HRNR: variants seen among roughly 807,000 people sequenced by gnomAD.
HRNR encodes the protein filaggrin family member 3.
Under a neutral mutation model 4.8 loss-of-function variants are expected in HRNR, and 7 were observed. The observed-to-expected ratio is 1.47, with a 90% confidence interval of 0.83 to 2.75. The LOEUF (loss-of-function observed/expected upper bound fraction) is 2.75. Ranked by LOEUF, HRNR falls within the 30% of genes most tolerant of loss-of-function variation. HRNR has a pLI of 0.00. For missense variants in HRNR, 2,879 were observed against 3,010.4 expected (o/e 0.96, Z 1.02); for synonymous variants, 1,023 against 1,242.7 (o/e 0.82, Z 3.72).
At position 152,221,177 on chromosome 1, in the gene HRNR, C is replaced by G; in HGVS notation, c.452G>C (p.Gly151Ala). 1 of 1,614,132 alleles carries G rather than the reference C, an allele frequency of 6.2e-7. No homozygotes were observed. The highest frequency in any genetic ancestry group is 8.5e-7 in the Non-Finnish European group (1 of 1,180,018). ...CAGTCTTCTGGATATGGATTCAGTC[C>G]CAGGTTTAAGACTTCCTCTGACGTT... Reference protein sequence around the residue: ...SRNVRGSLKPGTESISRRLSF... With the variant: ...SRNVRGSLKPATESISRRLSF... Residue 151 changes from glycine (G) to alanine (A), a missense_variant, in exon 3 of 3, where the codon GGG becomes GCG. Physicochemically the swap from Gly to Ala is moderately conservative, Grantham distance 60. Transcript: ENST00000368801.
chr1:152,218,688 A>C lies in HRNR; in HGVS notation c.2941T>G (p.Ser981Ala), dbSNP rs1381371921. ...EQHGSSSGSS[S>A]SYGQHGSGSR... ...CCAGACCCATGCTGACCATAGCTGG[A>C]AGACGAACCTGAGCTAGATCCATGT... The change falls in exon 3 of 3, where the codon TCC (serine) becomes GCC (alanine). Residue 981 changes from serine to alanine, a missense_variant. Transcript: ENST00000368801. The C allele has an allele frequency of 6.2e-7, 1 of 1,613,254 alleles. No homozygotes were observed. The highest frequency in any genetic ancestry group is 8.5e-7 in the Non-Finnish European group (1 of 1,179,962).
In HRNR at chr1:152,219,417, T is replaced by C; in HGVS notation, c.2212A>G (p.Arg738Gly). ...GAGCTAGATCCGTGTTGTTCACTCC[T>C]AGATGACTGTCCTGACCTAGAGCCG... ...KHGSRSGQSS[R>G]SEQHGSSSGL... The change falls in exon 3 of 3, where the codon AGG (arginine) becomes GGG (glycine). Residue 738 changes from arginine to glycine, a missense_variant. This residue lies in a region of HRNR where 2,646 missense variants were observed against 1,377.7 expected (regional missense o/e 1.92). Coordinates refer to ENST00000368801, the MANE Select transcript of HRNR (RefSeq NM_001009931.3). 1.9e-6 allele frequency: 3 copies of C among 1,614,040 alleles called. No individual in the cohort carries two copies. The highest frequency in any genetic ancestry group is 2.5e-6 in the Non-Finnish European group (3 of 1,180,012).
rs2101594480 is a variant in HRNR at position 152,219,558 on chromosome 1, G to T, written c.2071C>A (p.His691Asn). The T allele has an allele frequency of 6.2e-7, 1 of 1,613,278 alleles. No homozygotes were observed. The highest frequency in any genetic ancestry group is 8.5e-7 in the Non-Finnish European group (1 of 1,179,854). ...GSGWSSSNGP[H>N]GSVSGQSSGF... The stretch of plus-strand genomic sequence containing the variant: ...GAAGACTGGCCTGAGACAGACCCAT[G>T]TGGGCCATTGCTTGAAGACCAACCG... Residue 691 changes from histidine (H) to asparagine (N), a missense_variant, in exon 3 of 3, where the codon CAT becomes AAT. Physicochemically the swap from His to Asn is moderately conservative, Grantham distance 68. This residue lies in a region of HRNR where 2,646 missense variants were observed against 1,377.7 expected (regional missense o/e 1.92). Transcript: ENST00000368801.
chr1:152,213,009 T>A lies in HRNR; in HGVS notation c.*67A>T. On this transcript the variant is annotated 3_prime_UTR_variant, in exon 3 of 3. Transcript: ENST00000368801. ...ATGATGGATTGCTTGTCTTTCATGA[T>A]GAATTCATAGATGACTTTCCTATTT... is the stretch of plus-strand genomic sequence containing the variant. 3.9e-6 allele frequency: 6 copies of A among 1,542,812 alleles called. No homozygotes were observed. In the South Asian group the frequency reaches 7.7e-5, roughly 20 times the overall value.
chr1:152,218,125 A>G lies in HRNR; in HGVS notation c.3504T>C (p.Gly1168=). 1 of 746,930 alleles carries G rather than the reference A, an allele frequency of 1.3e-6. No homozygotes were observed. Among genetic ancestry groups the G allele is most frequent in the Non-Finnish European group, 2.1e-6 (1 of 473,096 alleles). 46.3% of individuals were successfully genotyped at this position (746,930 alleles called of 1,614,324 possible). A position where few individuals can be genotyped will look rare whatever the true frequency, so the allele number is the denominator to read the frequency against. Reference sequence around the variant, plus strand: ...ACTGCCCTGAGCTAGACTCGTGGTGACCAAAGCCAGAAGACTCGCCTAAGC... The same window carrying G: ...ACTGCCCTGAGCTAGACTCGTGGTGGCCAAAGCCAGAAGACTCGCCTAAGC... ...GSGLGESSGF[G]HHESSSGQSS... The change falls in exon 3 of 3, where the codon GGT becomes GGC. Residue 1168 remains glycine, a synonymous_variant. Transcript: ENST00000368801.
rs148335067 is a variant in HRNR at position 152,218,888 on chromosome 1, C to T, written c.2741G>A (p.Gly914Asp). 1.9e-6 allele frequency: 3 copies of T among 1,613,518 alleles called. No individual in the cohort carries two copies. The highest frequency in any genetic ancestry group is 4.5e-5 in the East Asian group (2 of 44,848). Reference sequence around the variant, plus strand: ...ATGTCGGCCACTGCTGGAAGACCGACCGGAGCCAGACCCATGTCGGCCATA... The same window carrying T: ...ATGTCGGCCACTGCTGGAAGACCGATCGGAGCCAGACCCATGTCGGCCATA... ...PSYGRHGSGS[G>D]RSSSSGRHGS... Residue 914 changes from glycine to aspartate, a missense_variant, in exon 3 of 3, where the codon GGT (glycine) becomes GAT (aspartate). By Grantham distance (94) the Gly-to-Asp change is moderately conservative. Coordinates refer to ENST00000368801, the MANE Select transcript of HRNR (RefSeq NM_001009931.3).
In HRNR at chr1:152,219,820, G is replaced by C. The variant is rs757886660; in HGVS notation, c.1809C>G (p.Ser603Arg). The C allele has an allele frequency of 6.2e-7, 1 of 1,612,238 alleles. No individual in the cohort carries two copies. The change falls in exon 3 of 3, where the codon AGC (serine) becomes AGG (arginine). Residue 603 changes from serine to arginine, a missense_variant. Physicochemically the swap from Ser to Arg is moderately radical, Grantham distance 110 (BLOSUM62 -1). Around this residue, in one of 8 missense-constraint regions of HRNR, gnomAD observed 2,646 missense variants for 1,377.7 expected, o/e 1.92. Transcript: ENST00000368801. ...QSSGYGQHGSSSGHSSTHGQH... is the reference protein window; with the variant it reads ...QSSGYGQHGSRSGHSSTHGQH... ...GCCCATGGGTAGAGGAATGACCCGAGCTAGATCCGTGTTGACCGTAGCCAG... is the reference window on the plus strand; with the variant it reads ...GCCCATGGGTAGAGGAATGACCCGACCTAGATCCGTGTTGACCGTAGCCAG...
At position 152,218,584 on chromosome 1, in the gene HRNR, C is replaced by T. The variant is rs754634636; in HGVS notation, c.3045G>A (p.Gly1015=). The change falls in exon 3 of 3, where the codon GGG becomes GGA. Residue 1015 remains glycine, a synonymous_variant. Coordinates refer to ENST00000368801, the MANE Select transcript of HRNR (RefSeq NM_001009931.3). ...AGCTGGAAGACTGCCCGGAACCAGA[C>T]CCATGTCGGCCACGGCTAGGGCTAG... ...QSPSPSRGRH[G]SGSGQSSSYG... is the part of the protein sequence containing the mutation. 6.2e-7 allele frequency: 1 copy of T among 1,613,790 alleles called. No homozygotes were observed. Among genetic ancestry groups the T allele is most frequent in the Non-Finnish European group, 8.5e-7 (1 of 1,179,930 alleles).
At position 152,219,823 on chromosome 1, in the gene HRNR, A is replaced by G. The variant is rs774675136; in HGVS notation, c.1806T>C (p.Ser602=). 5 of 1,612,072 alleles carry G rather than the reference A, an allele frequency of 3.1e-6. No homozygotes were observed. Among genetic ancestry groups the G allele is most frequent in the Non-Finnish European group, 4.2e-6 (5 of 1,178,722 alleles). ...GQSSGYGQHG[S]SSGHSSTHGQ... is the part of the protein sequence containing the mutation. ...CATGGGTAGAGGAATGACCCGAGCTAGATCCGTGTTGACCGTAGCCAGAGG... is the reference window on the plus strand; with the variant it reads ...CATGGGTAGAGGAATGACCCGAGCTGGATCCGTGTTGACCGTAGCCAGAGG... The change falls in exon 3 of 3, where the codon TCT becomes TCC. Residue 602 remains serine (S), a synonymous_variant. Coordinates refer to ENST00000368801, the MANE Select transcript of HRNR (RefSeq NM_001009931.3).
chr1:152,219,012 C>G lies in HRNR; in HGVS notation c.2617G>C (p.Ala873Pro), dbSNP rs754537348. The part of the protein sequence containing the change: ...QSSSYGQHES[A>P]SHHASGRGRH... The stretch of plus-strand genomic sequence containing the variant: ...CCGCGGCCCGAAGCGTGATGGGAGG[C>G]AGACTCATGCTGACCATAGCTGGAA... Residue 873 changes from alanine (A) to proline (P), a missense_variant, in exon 3 of 3, where the codon GCC (alanine) becomes CCC (proline). Coordinates refer to ENST00000368801, the MANE Select transcript of HRNR (RefSeq NM_001009931.3). 21 of 1,613,840 alleles carry G rather than the reference C, an allele frequency of 1.3e-5. No individual in the cohort carries two copies. The highest frequency in any genetic ancestry group is 6.7e-5 in the Admixed American group (4 of 59,992).
chr1:152,223,334 C>T lies in HRNR; in HGVS notation c.-25-56G>A, dbSNP rs914737925. Reference sequence around the variant, plus strand: ...TTACTATTCTTATTTCTTGTTTAAACACATAAATAGTTCTAATTATTTATA... The same window carrying T: ...TTACTATTCTTATTTCTTGTTTAAATACATAAATAGTTCTAATTATTTATA... On this transcript the variant is annotated intron_variant, in intron 1 of 2. Coordinates refer to ENST00000368801, the MANE Select transcript of HRNR (RefSeq NM_001009931.3). 9 of 1,033,626 alleles carry T rather than the reference C, an allele frequency of 8.7e-6. No homozygotes were observed. In the African/African-American group the frequency reaches 1.1e-4, roughly 13 times the overall value. 64.0% of individuals were successfully genotyped at this position (1,033,626 alleles called of 1,614,324 possible). A position where few individuals can be genotyped will look rare whatever the true frequency, so the allele number is the denominator to read the frequency against.
At position 152,218,814 on chromosome 1, in the gene HRNR, C is replaced by A. The variant is rs200852837; in HGVS notation, c.2815G>T (p.Gly939Trp). Residue 939 changes from glycine to tryptophan, a missense_variant, in exon 3 of 3, where the codon GGG becomes TGG. Physicochemically the swap from Gly to Trp is radical, Grantham distance 184. Around this residue, in one of 8 missense-constraint regions of HRNR, gnomAD observed 2,646 missense variants for 1,377.7 expected, o/e 1.92. Transcript: ENST00000368801. ...TGCTGAGTGTAACCAGAGGACTGCC[C>A]TGAGCTAGACTTGTGACCAAAGCCA... ...SSGFGHKSSSGQSSGYTQHGS... is the reference protein window; with the variant it reads ...SSGFGHKSSSWQSSGYTQHGS... 6 of 1,613,200 alleles carry A rather than the reference C, an allele frequency of 3.7e-6. No homozygotes were observed. The highest frequency in any genetic ancestry group is 5.1e-6 in the Non-Finnish European group (6 of 1,179,856).
chr1:152,215,174 C>A lies in HRNR; in HGVS notation c.6455G>T (p.Ser2152Ile), dbSNP rs1343814283. Residue 2152 changes from serine to isoleucine, a missense_variant, in exon 3 of 3, where the codon AGC (serine) becomes ATC (isoleucine). This residue lies in a region of HRNR where 3 missense variants were observed against 660.0 expected (regional missense o/e 0.00). Coordinates refer to ENST00000368801, the MANE Select transcript of HRNR (RefSeq NM_001009931.3). ...QSSRGERHGSSSGSSSRYGQH... is the reference protein window; with the variant it reads ...QSSRGERHGSISGSSSRYGQH... ...ACCATAGCGGGAAGACGAACCTGAG[C>A]TAGATCCGTGTCGTTCACCCCTAGA... 6.2e-7 allele frequency: 1 copy of A among 1,613,414 alleles called. No homozygotes were observed. The highest frequency in any genetic ancestry group is 1.3e-5 in the African/African-American group (1 of 74,218).
rs1244788207 is a variant in HRNR, at chr1:152,219,800, T to C, written c.1829A>G (p.His610Arg). 1.9e-6 allele frequency: 3 copies of C among 1,611,976 alleles called. No homozygotes were observed. Among genetic ancestry groups the C allele is most frequent in the Admixed American group, 1.7e-5 (1 of 59,904 alleles). Reference sequence around the variant, plus strand: ...TCCTGATGTAGAACCATGTTGCCCATGGGTAGAGGAATGACCCGAGCTAGA... The same window carrying C: ...TCCTGATGTAGAACCATGTTGCCCACGGGTAGAGGAATGACCCGAGCTAGA... ...HGSSSGHSSTHGQHGSTSGQS... is the reference protein window; with the variant it reads ...HGSSSGHSSTRGQHGSTSGQS... Residue 610 changes from histidine (H) to arginine (R), a missense_variant, in exon 3 of 3, where the codon CAT becomes CGT. By Grantham distance (29) the His-to-Arg change is conservative. Around this residue, in one of 8 missense-constraint regions of HRNR, gnomAD observed 2,646 missense variants for 1,377.7 expected, o/e 1.92. Transcript: ENST00000368801.
Position 152,219,401 on chromosome 1 carries a change from C to T in HRNR, c.2228G>A (p.Gly743Glu), listed in dbSNP as rs267598027. The change falls in exon 3 of 3, where the codon GGA becomes GAA. Residue 743 changes from glycine to glutamate, a missense_variant. Around this residue, in one of 8 missense-constraint regions of HRNR, gnomAD observed 2,646 missense variants for 1,377.7 expected, o/e 1.92. Transcript: ENST00000368801. ...GCTGGAAGACAAACCTGAGCTAGAT[C>T]CGTGTTGTTCACTCCTAGATGACTG... is the stretch of plus-strand genomic sequence containing the variant. ...SGQSSRSEQH[G>E]SSSGLSSSYG... is the part of the protein sequence containing the mutation. 21 of 1,613,882 alleles carry T rather than the reference C, an allele frequency of 1.3e-5. No homozygotes were observed. The highest frequency in any genetic ancestry group is 2.7e-5 in the African/African-American group (2 of 74,838).
At position 152,218,846 on chromosome 1, in the gene HRNR, T is replaced by C. The variant is rs1474876050; in HGVS notation, c.2783A>G (p.Gln928Arg). 24 of 1,613,296 alleles carry C rather than the reference T, an allele frequency of 1.5e-5. No individual in the cohort carries two copies. The Admixed American group carries it at 4.0e-4, about 27-fold the overall frequency. ...SSGRHGSGSG[Q>R]SSGFGHKSSS... ...AGACTTGTGACCAAAGCCAGAAGAC[T>C]GGCCTGAGCCAGACCCATGTCGGCC... The change falls in exon 3 of 3, where the codon CAG becomes CGG. Residue 928 changes from glutamine (Q) to arginine (R), a missense_variant. Physicochemically the swap from Gln to Arg is conservative, Grantham distance 43. Transcript: ENST00000368801.
Position 152,218,785 on chromosome 1 carries a change from T to C in HRNR, c.2844A>G (p.Gly948=), listed in dbSNP as rs748782611. The C allele has an allele frequency of 1.1e-5, 17 of 1,612,126 alleles. No homozygotes were observed. The highest frequency in any genetic ancestry group is 4.4e-5 in the South Asian group (4 of 90,954). The change falls in exon 3 of 3, where the codon GGA becomes GGG. Residue 948 remains glycine, a synonymous_variant. Coordinates refer to ENST00000368801, the MANE Select transcript of HRNR (RefSeq NM_001009931.3). ...SGQSSGYTQH[G]SGSGHSSSYE... Reference sequence around the variant, plus strand: ...AGCTGGAGGAGTGACCTGAGCCAGATCCATGCTGAGTGTAACCAGAGGACT... The same window carrying C: ...AGCTGGAGGAGTGACCTGAGCCAGACCCATGCTGAGTGTAACCAGAGGACT...
rs774236601 is a variant in HRNR at position 152,220,835 on chromosome 1, C to G, written c.794G>C (p.Gly265Ala). ...SGYGQHGSRS[G>A]QSSRGERHRS... is the part of the protein sequence containing the mutation. ...GTGTCGTTCACCCCTAGATGACTGT[C>G]CTGACCTAGAGCCGTGTTGTCCGTA... Residue 265 changes from glycine (G) to alanine (A), a missense_variant, in exon 3 of 3, where the codon GGA (glycine) becomes GCA (alanine). Gly to Ala is a moderately conservative substitution (Grantham distance 60). Transcript: ENST00000368801. 6.2e-7 allele frequency: 1 copy of G among 1,613,970 alleles called. No homozygotes were observed. The highest frequency in any genetic ancestry group is 1.7e-5 in the Admixed American group (1 of 60,016).
At position 152,212,963 on chromosome 1, in the gene HRNR, T is replaced by A; in HGVS notation, c.*113A>T. ...AAAGAAAGAGACAGAAATGCATTGA[T>A]TCACTTTTAGAACGAATTTCATGAT... On this transcript the variant is annotated 3_prime_UTR_variant, in exon 3 of 3. Coordinates refer to ENST00000368801, the MANE Select transcript of HRNR (RefSeq NM_001009931.3). The A allele has an allele frequency of 7.1e-7, 1 of 1,403,262 alleles. No individual in the cohort carries two copies. Among genetic ancestry groups the A allele is most frequent in the Non-Finnish European group, 9.6e-7 (1 of 1,042,610 alleles). The allele number at this position is 1,403,262 out of a possible 1,614,324, so 86.9% of individuals were successfully genotyped here.
Sources: gnomAD v4.1 joint callset for allele counts on GRCh38, gnomAD v4.1.1 for gene constraint, gnomAD v4.1.1 regional missense constraint, MANE v1.5 for transcripts, NCBI Gene and HGNC (gene_info 2026-07-23, HGNC 2026-07-21) for gene names.